ANKRD30A: variants seen among roughly 807,000 people sequenced by gnomAD.
ANKRD30A encodes the protein ankyrin repeat domain 30A.
In ANKRD30A, 170 loss-of-function variants were observed where a neutral mutation model predicts 166.3. The ratio of observed to expected loss-of-function variants is 1.02; its 90% CI spans 0.90 to 1.16. The LOEUF (loss-of-function observed/expected upper bound fraction) is 1.16, where lower values mean the gene tolerates loss of function less well. Ranked by LOEUF, ANKRD30A falls within the 50% of genes most tolerant of loss-of-function variation. ANKRD30A has a pLI of 0.00. For synonymous variants in ANKRD30A, 564 were observed against 508.9 expected (o/e 1.11, Z -1.46); for missense variants, 1,630 against 1,518.0 (o/e 1.07, Z -1.23).
Position 37,153,591 on chromosome 10 carries a change from C to T in ANKRD30A, c.1727C>T (p.Ser576Leu). 6.2e-7 allele frequency: 1 copy of T among 1,612,074 alleles called. No individual in the cohort carries two copies. The highest frequency in any genetic ancestry group is 8.5e-7 in the Non-Finnish European group (1 of 1,179,490). ...WDSESLCETV[S>L]QKDVCLPKAT... ...TAACAGAGTCTCTGTGAGACTGTTT[C>T]ACAGAAGGATGTGTGTTTACCCAAG... The change falls in exon 13 of 36, where the codon TCA becomes TTA. Residue 576 changes from serine (S) to leucine (L), a missense_variant. Ser to Leu is a moderately radical substitution (Grantham distance 145). This residue lies in a region of ANKRD30A where 904 missense variants were observed against 818.5 expected (regional missense o/e 1.10). Transcript: ENST00000361713.
chr10:37,150,607 G>A (rs1366213188), intron 11 of ANKRD30A, among the ~76,000 whole-genome samples: 2 of 151,890 alleles, frequency 1.3e-5, no homozygotes, highest in East Asian at 1.9e-4. Flanking sequence ...TGGTTGTACG[G>A]TGTAATGTTC....
intron 25 of ANKRD30A, among the ~76,000 whole-genome samples, 197 bp from the exon 26 acceptor site, chr10:37,192,867 T>A (rs1458490149): frequency 3.3e-5 from 5 of 152,036 alleles, no homozygotes; most frequent in Non-Finnish European, 5.9e-5. Context: ...TGAAATCTAG[T>A]TTTCAAATTG....
chr10:37,144,468 C>T (rs575086282), intron 7 of ANKRD30A, among the ~76,000 whole-genome samples: 1 of 152,290 alleles, frequency 6.6e-6, no homozygotes, highest in East Asian at 1.9e-4. Flanking sequence ...AAAACACATA[C>T]ACACCAAATA....
intron 11 of ANKRD30A, among the ~76,000 whole-genome samples, chr10:37,151,410 C>G (rs1177323883): frequency 1.3e-5 from 2 of 152,026 alleles, no homozygotes; most frequent in African/African-American, 4.8e-5. Flanking sequence ...CAAACTGACT[C>G]TGAAGATATT....
chr10:37,152,036 G>T, intron 11 of ANKRD30A, 24 bp from the exon 12 acceptor site: 1 of 1,578,482 alleles, frequency 6.3e-7, no homozygotes, highest in Non-Finnish European at 8.7e-7. Flanking sequence ...TGTCATGAAT[G>T]TTTCTGTGAT....
intron 34 of ANKRD30A, among the ~76,000 whole-genome samples, chr10:37,230,208 G>T (rs1382537154): frequency 2.0e-5 from 3 of 151,888 alleles, no homozygotes; most frequent in African/African-American, 4.8e-5. Context: ...AAAATTTAGG[G>T]ATTTGTTGTC....
At chr10:37,193,511 A>T (rs1432514547) in intron 27 of ANKRD30A, among the ~76,000 whole-genome samples, 1 of 151,944 alleles carries the variant, frequency 6.6e-6, no homozygotes, top group African/African-American at 2.4e-5. Context: ...AAAGTTTCCA[A>T]TTTGCAATTT....
chr10:37,137,377 G>C (rs190076842), intron 6 of ANKRD30A, among the ~76,000 whole-genome samples: 2 of 152,144 alleles, frequency 1.3e-5, no homozygotes, highest in Non-Finnish European at 2.9e-5. Flanking sequence ...GAAAGTGGGC[G>C]CAGGACAGTG....
chr10:37,201,176 A>G, intron 30 of ANKRD30A, 59 bp from the exon 31 acceptor site: 1 of 1,330,800 alleles, frequency 7.5e-7, no homozygotes, highest in Non-Finnish European at 1.0e-6. Context: ...GGAAATTTTG[A>G]TAATCTTCAT....
At chr10:37,160,320 C>T (rs1166529697) in intron 15 of ANKRD30A, among the ~76,000 whole-genome samples, 1 of 152,134 alleles carries the variant, frequency 6.6e-6, no homozygotes, top group Non-Finnish European at 1.5e-5. Context: ...ATACGCATTA[C>T]AACTGTTACT....
At chr10:37,183,621 T>C (rs1248267070) in intron 24 of ANKRD30A, among the ~76,000 whole-genome samples, 8 of 147,276 alleles carry the variant, frequency 5.4e-5, no homozygotes, top group Admixed American at 3.4e-4. Context: ...CTAGAGAGGA[T>C]CTAGACTTTT....
intron 30 of ANKRD30A, 57 bp from the exon 31 acceptor site, chr10:37,201,178 A>T: frequency 7.5e-7 from 1 of 1,339,300 alleles, no homozygotes; most frequent in Middle Eastern, 2.3e-4. Flanking sequence ...AAATTTTGAT[A>T]ATCTTCATTA....
At chr10:37,231,310 C>T (rs2132767093) in intron 34 of ANKRD30A, 151 bp from the exon 35 acceptor site, 1 of 463,650 alleles carries the variant, frequency 2.2e-6, no homozygotes, top group East Asian at 3.5e-5. Flanking sequence ...ATACACTAGG[C>T]ATGCTCTCAC....
At chr10:37,211,007 T>C (rs1842278660) in intron 31 of ANKRD30A, among the ~76,000 whole-genome samples, 1 of 152,106 alleles carries the variant, frequency 6.6e-6, no homozygotes, top group Non-Finnish European at 1.5e-5. Flanking sequence ...TTTGTTGCCA[T>C]TGCTTTTAGT....
At chr10:37,172,999 G>C (rs1839714002) in intron 21 of ANKRD30A, among the ~76,000 whole-genome samples, 1 of 152,228 alleles carries the variant, frequency 6.6e-6, no homozygotes, top group South Asian at 2.1e-4. Flanking sequence ...TAAATATTGT[G>C]GTGACTTAAC....
chr10:37,165,510 A>C (rs1437305107), intron 18 of ANKRD30A, among the ~76,000 whole-genome samples: 4 of 152,218 alleles, frequency 2.6e-5, no homozygotes, highest in Non-Finnish European at 5.9e-5. Context: ...ATCTAGAGGT[A>C]GAAAAGTTCT....
At chr10:37,198,173 A>C (rs1165367333) in intron 29 of ANKRD30A, among the ~76,000 whole-genome samples, 1 of 152,068 alleles carries the variant, frequency 6.6e-6, no homozygotes, top group African/African-American at 2.4e-5. Context: ...CTGTTTTTTA[A>C]AACTATTCTT....
chr10:37,162,960 C>G (rs1839050812), intron 17 of ANKRD30A, 112 bp downstream of exon 17: 7 of 1,340,006 alleles, frequency 5.2e-6, no homozygotes, highest in Non-Finnish European at 7.2e-6. Context: ...AAGATTTGAT[C>G]TAGATAATGC....
intron 11 of ANKRD30A, among the ~76,000 whole-genome samples, chr10:37,151,629 A>C (rs1001144064): frequency 6.6e-6 from 1 of 152,126 alleles, no homozygotes; most frequent in South Asian, 2.1e-4. Flanking sequence ...TTCATTGATA[A>C]ATCATCTTTG....
Sources: gnomAD v4.1 joint callset for allele counts (sites outside exome capture counted in the v4.1 genomes callset) on GRCh38, gnomAD v4.1.1 for gene constraint, gnomAD v4.1.1 regional missense constraint, MANE v1.5 for transcripts, NCBI Gene and HGNC (gene_info 2026-07-23, HGNC 2026-07-21) for gene names.